FAM20C: variants seen among roughly 807,000 people sequenced by gnomAD.
The protein encoded by FAM20C is FAM20C golgi associated secretory pathway kinase, also known as extracellular serine/threonine protein kinase FAM20C.
FAM20C carries 40 observed loss-of-function variants against 51.5 expected under a neutral mutation model. The observed-to-expected ratio is 0.78, with a 90% confidence interval of 0.60 to 1.01. The LOEUF is 1.01. Among genes scored for constraint, FAM20C ranks in the 50% least tolerant of loss-of-function variants. FAM20C has a pLI of 0.00. For missense variants in FAM20C, 861 were observed against 844.7 expected, an observed-to-expected ratio of 1.02 and a Z score of -0.24; for synonymous variants, 406 against 380.6, an observed-to-expected ratio of 1.07 and a Z score of -0.78.
At position 256,965 on chromosome 7, in the gene FAM20C, G is replaced by C. The variant is rs541956072; in HGVS notation, c.1364-40G>C. 12 of 1,533,952 alleles carry C rather than the reference G, an allele frequency of 7.8e-6. No individual in the cohort carries two copies. The South Asian group carries it at 1.1e-4, about 14-fold the overall frequency. ...AGAGGCCTCTGAGCTACGTGGCCCG[G>C]CTCCCCACGAGCTGTGACACTTTCT... is the stretch of plus-strand genomic sequence containing the variant. On this transcript the variant is annotated intron_variant, in intron 7 of 9. Transcript: ENST00000313766.
At chr7:227,401 C>T (rs191214319) in intron 3 of FAM20C, among the ~76,000 whole-genome samples, 86 of 152,002 alleles carry the variant, frequency 5.7e-4, no homozygotes, top group Middle Eastern at 3.4e-3. Context: ...TTAAGATCTC[C>T]TTAGACAAGC....
Position 246,425 on chromosome 7 carries a change from G to T in FAM20C, c.874G>T (p.Glu292Ter). 1.4e-6 allele frequency: 2 copies of T among 1,417,990 alleles called. No individual in the cohort carries two copies. Among genetic ancestry groups the T allele is most frequent in the South Asian group, 2.4e-5 (2 of 81,796 alleles). 87.8% of individuals were successfully genotyped at this position (1,417,990 alleles called of 1,614,324 possible). A position where few individuals can be genotyped will look rare whatever the true frequency, so the allele number is the denominator to read the frequency against. The change falls in exon 4 of 10, where the codon GAG (glutamate) becomes TAG (stop). Residue 292 changes from glutamate to a stop codon, truncating the protein, a stop_gained. Transcript: ENST00000313766. LOFTEE classifies it high-confidence loss of function. The stretch of plus-strand genomic sequence containing the variant: ...GTCTTGTTTTCTCAGACAAACGAGG[G>T]AGCAGGAGACACCCCCTGACTTTTT... Reference protein sequence around the residue: ...ALFKPMKQTREQETPPDFFYF... With the variant: ...ALFKPMKQTR
chr7:247,605 A>G (rs975541309), intron 4 of FAM20C, among the ~76,000 whole-genome samples: 1 of 150,592 alleles, frequency 6.6e-6, no homozygotes, highest in Non-Finnish European at 1.5e-5. Context: ...TGACTATAGA[A>G]ATCGCCAGAA....
rs1271524358 is a variant in FAM20C at position 193,409 on chromosome 7, C to T, written c.210C>T (p.Pro70=). The T allele has an allele frequency of 7.1e-7, 1 of 1,410,114 alleles. No individual in the cohort carries two copies. Among genetic ancestry groups the T allele is most frequent in the Admixed American group, 2.5e-5 (1 of 39,842 alleles). 87.4% of individuals were successfully genotyped at this position (1,410,114 alleles called of 1,614,324 possible). A position where few individuals can be genotyped will look rare whatever the true frequency, so the allele number is the denominator to read the frequency against. The change falls in exon 1 of 10, where the codon CCC becomes CCT. Residue 70 remains proline, a synonymous_variant. Transcript: ENST00000313766. ...AGGTTCGGGGCCGCCCCGGGGAGCC[C>T]CCGGCCGCCTCCTCCGCCGCCGGCG... The part of the protein sequence containing the change: ...WAQVRGRPGE[P]PAASSAAGDA...
chr7:205,380 C>T (rs566837485), intron 2 of FAM20C, among the ~76,000 whole-genome samples: 2 of 145,824 alleles, frequency 1.4e-5, no homozygotes, highest in East Asian at 2.1e-4. Context: ...GCTGGGACCA[C>T]GGACACACAC....
rs765294314 is a variant in FAM20C at position 195,638 on chromosome 7, C to T, written c.690C>T (p.His230=). The T allele has an allele frequency of 1.9e-6, 3 of 1,611,232 alleles. No homozygotes were observed. Among genetic ancestry groups the T allele is most frequent in the Non-Finnish European group, 1.7e-6 (2 of 1,178,854 alleles). ...VDSYPNWLKF[H]IGINRYELYS... ...CCTATCCCAACTGGCTCAAGTTCCACATTGGTATCAACCGGTACGAGCTGT... is the reference window on the plus strand; with the variant it reads ...CCTATCCCAACTGGCTCAAGTTCCATATTGGTATCAACCGGTACGAGCTGT... Residue 230 remains histidine, a synonymous_variant, in exon 2 of 10, where the codon CAC becomes CAT. Transcript: ENST00000313766.
intron 8 of FAM20C, among the ~76,000 whole-genome samples, chr7:257,842 G>C (rs1455291613): frequency 3.8e-4 from 43 of 113,480 alleles, no homozygotes; most frequent in East Asian, 4.7e-4. Flanking sequence ...GGGCAGGGTG[G>C]ACCCACTGCC....
chr7:244,884 CAT>C (rs1187075602), intron 3 of FAM20C, among the ~76,000 whole-genome samples: 2 of 152,232 alleles, frequency 1.3e-5, no homozygotes, highest in Non-Finnish European at 2.9e-5. Flanking sequence ...GGGTGGTACA[CAT>C]CTTTAACCCC....
chr7:192,677 T>C lies in FAM20C; in HGVS notation c.-523T>C, dbSNP rs1785613777. On this transcript the variant is annotated 5_prime_UTR_variant, in exon 1 of 10. Coordinates refer to ENST00000313766, the MANE Select transcript of FAM20C (RefSeq NM_020223.4). ...CCCCTTCCGCCCTTCGCCCCCCCCT[T>C]CCCCCCAGCCCCGGTCTCCCGGGCG... Among the ~76,000 whole-genome samples, 1 of 139,390 alleles carries C rather than the reference T, an allele frequency of 7.2e-6. No homozygotes were observed. Among genetic ancestry groups the C allele is most frequent in the African/African-American group, 2.7e-5 (1 of 37,536 alleles). 91.4% of individuals were successfully genotyped at this position (139,390 alleles called of 152,430 possible).
intron 3 of FAM20C, chr7:228,104 TG>T (rs1407644125): frequency 3.8e-6 from 1 of 263,756 alleles, no homozygotes; most frequent in African/African-American, 2.2e-5. Flanking sequence ...TCAGAGCTGA[TG>T]GGGGACGGCG....
At chr7:199,683 G>A (rs1466616409) in intron 2 of FAM20C, among the ~76,000 whole-genome samples, 1 of 152,190 alleles carries the variant, frequency 6.6e-6, no homozygotes, top group South Asian at 2.1e-4. Flanking sequence ...TAGGGCCAGC[G>A]GAGGTTTATT....
intron 5 of FAM20C, among the ~76,000 whole-genome samples, chr7:252,369 C>G (rs571265684): frequency 3.4e-4 from 50 of 148,252 alleles, no homozygotes; most frequent in African/African-American, 1.2e-3. Flanking sequence ...GAGGGCTGAG[C>G]CCACTGTAGA....
At chr7:249,175 G>T (rs1260204258) in intron 5 of FAM20C, among the ~76,000 whole-genome samples, 1 of 152,240 alleles carries the variant, frequency 6.6e-6, no homozygotes, top group African/African-American at 2.4e-5. Flanking sequence ...TCCCCACTCG[G>T]ACTTAAACAC....
intron 6 of FAM20C, chr7:256,269 A>T: frequency 1.7e-6 from 1 of 600,020 alleles, no homozygotes; most frequent in East Asian, 2.8e-5. Flanking sequence ...GGTCCCTCGA[A>T]TCGGGGCCTC....
At chr7:222,931 TAC>T (rs1350052631) in intron 3 of FAM20C, among the ~76,000 whole-genome samples, 6 of 152,220 alleles carry the variant, frequency 3.9e-5, no homozygotes, top group Admixed American at 1.3e-4. Flanking sequence ...TGGGTGTGTG[TAC>T]ACACGTGTGC....
intron 1 of FAM20C, chr7:195,284 A>G (rs996303287): frequency 1.1e-5 from 4 of 376,366 alleles, no homozygotes; most frequent in Non-Finnish European, 1.4e-5. Flanking sequence ...ACGTCCTGGA[A>G]TTAGTTTTGC....
rs955778664 is a variant in FAM20C at position 216,652 on chromosome 7, AGTGTGTGTGT to A, written c.863+7678_863+7687del. Among the ~76,000 whole-genome samples, 6 of 105,440 alleles carry A rather than the reference AGTGTGTGTGT, an allele frequency of 5.7e-5. No individual in the cohort carries two copies. The East Asian group carries it at 9.1e-4, about 16-fold the overall frequency. 69.2% of individuals were successfully genotyped at this position (105,440 alleles called of 152,430 possible). On this transcript the variant is annotated intron_variant, in intron 3 of 9. Coordinates refer to ENST00000313766, the MANE Select transcript of FAM20C (RefSeq NM_020223.4). ...GTGTGAGTGTGTGTGAGTGTGTGTG[AGTGTGTGTGT>A]GAGAGACAGAGTGTGTGTGAGAGTG...
Position 195,579 on chromosome 7 carries a change from G to A in FAM20C, c.631G>A (p.Glu211Lys), listed in dbSNP as rs187691945. The A allele has an allele frequency of 3.8e-6, 6 of 1,594,870 alleles. No individual in the cohort carries two copies. In the Admixed American group the frequency reaches 8.6e-5, roughly 23 times the overall value. Residue 211 changes from glutamate (E) to lysine (K), a missense_variant, in exon 2 of 10, where the codon GAA becomes AAA. Physicochemically the swap from Glu to Lys is moderately conservative, Grantham distance 56 (BLOSUM62 1). Around this residue, in one of 3 missense-constraint regions of FAM20C, gnomAD observed 561 missense variants for 499.8 expected, o/e 1.12. Coordinates refer to ENST00000313766, the MANE Select transcript of FAM20C (RefSeq NM_020223.4). ...DWPHAGAEGAEFLSPGEAAVD... is the reference protein window; with the variant it reads ...DWPHAGAEGAKFLSPGEAAVD... ...GCCGCATGCGGGTGCTGAAGGTGCAGAATTCCTCTCCCCCGGGGAGGCGGC... is the reference window on the plus strand; with the variant it reads ...GCCGCATGCGGGTGCTGAAGGTGCAAAATTCCTCTCCCCCGGGGAGGCGGC...
rs995195254 is a variant in FAM20C at position 193,923 on chromosome 7, G to T, written c.605+119G>T. On this transcript the variant is annotated intron_variant, in intron 1 of 9. Transcript: ENST00000313766. ...ATGGAAGAGGCCGGGCAGGGAGTGT[G>T]GTGCGGGAGGAGGCAGCCGCCTACC... 3 of 1,372,522 alleles carry T rather than the reference G, an allele frequency of 2.2e-6. No homozygotes were observed. The African/African-American group carries it at 4.5e-5, about 21-fold the overall frequency. 85.0% of individuals were successfully genotyped at this position (1,372,522 alleles called of 1,614,324 possible). A position where few individuals can be genotyped will look rare whatever the true frequency, so the allele number is the denominator to read the frequency against.
Sources: allele counts gnomAD v4.1 joint callset (sites outside exome capture counted in the v4.1 genomes callset), GRCh38; gene constraint gnomAD v4.1.1; regional missense constraint gnomAD v4.1.1; transcripts MANE v1.5; gene names NCBI Gene and HGNC (gene_info 2026-07-23, HGNC 2026-07-21).